The following TTC7A variants were observed in gnomAD, a reference collection of about 807,000 sequenced individuals.
TTC7A encodes tetratricopeptide repeat domain 7A, also known as tetratricopeptide repeat protein 7A.
Under a neutral mutation model 103.7 loss-of-function variants are expected in TTC7A, and 110 were observed. The observed-to-expected ratio is 1.06, with a 90% confidence interval of 0.91 to 1.24. The LOEUF is 1.24. Among genes scored for constraint, TTC7A ranks in the 50% most tolerant of loss-of-function variants. TTC7A has a pLI of 0.00. For synonymous variants in TTC7A, 521 were observed against 467.9 expected (o/e 1.11, Z -1.47); for missense variants, 1,340 against 1,116.3 (o/e 1.20, Z -2.86).
At chr2:46,916,322 T>C (rs978140428) in exon 1 of TTC7A, 2 of 313,260 alleles carry the variant, frequency 6.4e-6, no homozygotes, top group Non-Finnish European at 9.3e-6. Flanking sequence ...GTCTGCCAGC[T>C]CCACTGCACA....
chr2:46,958,545 C>CA, intron 3 of TTC7A: 1 of 1,303,752 alleles, frequency 7.7e-7, no homozygotes, highest in East Asian at 5.6e-5. Flanking sequence ...AGAGGTCCTG[C>CA]AGGGGAGGTA....
intron 2 of TTC7A, among the ~76,000 whole-genome samples, chr2:46,923,654 G>T (rs1471789201): frequency 6.6e-6 from 1 of 152,124 alleles, no homozygotes; most frequent in Non-Finnish European, 1.5e-5. Flanking sequence ...CATCTTGGGA[G>T]GCCGAGACAG....
intron 15 of TTC7A, among the ~76,000 whole-genome samples, chr2:47,041,569 A>G (rs944096631): frequency 3.3e-5 from 5 of 152,212 alleles, no homozygotes; most frequent in Non-Finnish European, 5.9e-5. Context: ...CCTGACCTAC[A>G]TGCAGAAACT....
intron 2 of TTC7A, among the ~76,000 whole-genome samples, chr2:46,925,997 T>C (rs1207899284): frequency 6.6e-6 from 1 of 152,206 alleles, no homozygotes; most frequent in South Asian, 2.1e-4. Flanking sequence ...CCTGGAAAGT[T>C]TGGGTTTGTC....
intron 2 of TTC7A, among the ~76,000 whole-genome samples, chr2:46,933,932 G>C (rs1265216987): frequency 6.6e-6 from 1 of 152,198 alleles, no homozygotes; most frequent in East Asian, 1.9e-4. Context: ...AGAGGCCAGA[G>C]TGGAAGGTGG....
intron 5 of TTC7A, among the ~76,000 whole-genome samples, chr2:46,979,712 A>G (rs1161695438): frequency 2.6e-5 from 4 of 152,182 alleles, no homozygotes; most frequent in Non-Finnish European, 4.4e-5. Flanking sequence ...CTTCATGGCT[A>G]TTCCGCAACT....
At chr2:47,008,506 A>G (rs1677669271) in intron 10 of TTC7A, among the ~76,000 whole-genome samples, 2 of 152,190 alleles carry the variant, frequency 1.3e-5, no homozygotes, top group Admixed American at 6.5e-5. Context: ...ACAGACCAGC[A>G]AGGTGGCCCC....
chr2:46,983,407 T>C (rs1379514384), intron 5 of TTC7A, among the ~76,000 whole-genome samples: 2 of 152,252 alleles, frequency 1.3e-5, no homozygotes, highest in African/African-American at 2.4e-5. Flanking sequence ...CCTGTTTTCA[T>C]GGCCCGGCAG....
At chr2:46,976,200 A>C (rs1158525256) in intron 4 of TTC7A, among the ~76,000 whole-genome samples, 1 of 152,162 alleles carries the variant, frequency 6.6e-6, no homozygotes, top group Non-Finnish European at 1.5e-5. Flanking sequence ...CTATAATTTA[A>C]CCCTCACACT....
In TTC7A at chr2:46,971,428, A is replaced by C. The variant is rs114379154; in HGVS notation, c.518-3545A>C. ...ATCCTACAACCTAGCAGTTGGGAGC[A>C]GGAGGTTAGTTGTGGATATGGCAGG... On this transcript the variant is annotated intron_variant, in intron 3 of 19. Transcript: ENST00000319190. Among the ~76,000 whole-genome samples the C allele has an allele frequency of 8.1e-3, 1,234 of 152,276 alleles. 16 individuals carry two copies. The highest frequency in any genetic ancestry group is 0.028 in the African/African-American group (1,169 of 41,542).
At chr2:47,014,774 C>T (rs1678462092) in intron 11 of TTC7A, among the ~76,000 whole-genome samples, 1 of 152,254 alleles carries the variant, frequency 6.6e-6, no homozygotes, top group African/African-American at 2.4e-5. Flanking sequence ...TCAATTTGGC[C>T]TGGGTTGCAG....
chr2:47,030,986 A>G (rs1473853243), intron 15 of TTC7A, among the ~76,000 whole-genome samples: 1 of 152,208 alleles, frequency 6.6e-6, no homozygotes, highest in African/African-American at 2.4e-5. Context: ...ATCTCTAATA[A>G]AGATACAAAA....
At chr2:47,070,787 G>C (rs905041261) in intron 19 of TTC7A, among the ~76,000 whole-genome samples, 1 of 152,174 alleles carries the variant, frequency 6.6e-6, no homozygotes, top group African/African-American at 2.4e-5. Context: ...TCATGTCTGT[G>C]GCTATAACCA....
At chr2:47,062,258 C>G (rs1408115048) in intron 19 of TTC7A, among the ~76,000 whole-genome samples, 2 of 152,170 alleles carry the variant, frequency 1.3e-5, no homozygotes, top group East Asian at 3.8e-4. Flanking sequence ...TCCTTTCCAA[C>G]CTGACAGTCC....
chr2:46,971,569 C>T (rs1673359341), intron 3 of TTC7A, among the ~76,000 whole-genome samples: 1 of 151,492 alleles, frequency 6.6e-6, no homozygotes, highest in Admixed American at 6.6e-5. Flanking sequence ...GAAGGATCCC[C>T]CTGGGGATTA....
At chr2:46,988,849 G>A (rs775828250) in intron 5 of TTC7A, among the ~76,000 whole-genome samples, 20 of 152,134 alleles carry the variant, frequency 1.3e-4, no homozygotes, top group East Asian at 5.8e-4. Flanking sequence ...TGTGCTTGCC[G>A]TAAGCCTGCC....
chr2:47,065,144 G>A (rs561457226), intron 19 of TTC7A, among the ~76,000 whole-genome samples: 10 of 152,068 alleles, frequency 6.6e-5, no homozygotes, highest in Admixed American at 1.3e-4. Flanking sequence ...AAAATTAGCC[G>A]GGCGTGGTGG....
rs1025162658 is a variant in TTC7A at position 47,075,426 on chromosome 2, G to C, written c.*1503G>C. The stretch of plus-strand genomic sequence containing the variant: ...CCCAAAGTGGTTATAGTCAATTTTT[G>C]GTACTAGGAAAGGCACCCAATGCAT... On this transcript the variant is annotated 3_prime_UTR_variant, in exon 20 of 20. Coordinates refer to ENST00000319190, the MANE Select transcript of TTC7A (RefSeq NM_020458.4). The C allele has an allele frequency of 1.3e-5, 2 of 152,102 alleles. No individual in the cohort carries two copies. 9.4% of individuals were successfully genotyped at this position (152,102 alleles called of 1,614,324 possible). A position where few individuals can be genotyped will look rare whatever the true frequency, so the allele number is the denominator to read the frequency against.
chr2:47,072,800 G>A lies in TTC7A; in HGVS notation c.2356-902G>A, dbSNP rs886679948. Among the ~76,000 whole-genome samples the A allele has an allele frequency of 4.6e-5, 3 of 65,266 alleles. No homozygotes were observed. In the Admixed American group the frequency reaches 4.8e-4, roughly 10 times the overall value. 42.8% of individuals were successfully genotyped at this position (65,266 alleles called of 152,430 possible). A position where few individuals can be genotyped will look rare whatever the true frequency, so the allele number is the denominator to read the frequency against. On this transcript the variant is annotated intron_variant, in intron 19 of 19. Transcript: ENST00000319190. The stretch of plus-strand genomic sequence containing the variant: ...TGAAGCAACCTTTGTGGGACCTGAG[G>A]CTGAAAGGGGGCCCTGCCCTCTCCC...
Sources: allele counts gnomAD v4.1 joint callset (sites outside exome capture counted in the v4.1 genomes callset), GRCh38; gene constraint gnomAD v4.1.1; transcripts MANE v1.5; gene names NCBI Gene and HGNC (gene_info 2026-07-23, HGNC 2026-07-21).